CCDC178: variants seen among roughly 807,000 people sequenced by gnomAD.
CCDC178 encodes the protein coiled-coil domain containing 178.
Under a neutral mutation model 117.4 loss-of-function variants are expected in CCDC178, and 126 were observed. The observed-to-expected ratio is 1.07, with a 90% confidence interval of 0.93 to 1.24. The LOEUF (loss-of-function observed/expected upper bound fraction) is 1.24. Ranked by LOEUF, CCDC178 falls within the 50% of genes most tolerant of loss-of-function variation. The pLI is 0.00. For synonymous variants in CCDC178, 283 were observed against 313.4 expected (o/e 0.90, Z 1.02); for missense variants, 1,030 against 986.9 (o/e 1.04, Z -0.59).
rs1271531257 is a variant in CCDC178, at chr18:33,323,623, A to C, written c.890T>G (p.Leu297Arg). 5 of 1,520,696 alleles carry C rather than the reference A, an allele frequency of 3.3e-6. No homozygotes were observed. In the South Asian group the frequency reaches 5.4e-5, roughly 16 times the overall value. 94.2% of individuals were successfully genotyped at this position (1,520,696 alleles called of 1,614,324 possible). Residue 297 changes from leucine to arginine, a missense_variant, in exon 11 of 23, where the codon CTA becomes CGA. By Grantham distance (102) the Leu-to-Arg change is moderately radical (BLOSUM62 -2). Coordinates refer to ENST00000383096, the MANE Select transcript of CCDC178 (RefSeq NM_001105528.4). The part of the protein sequence containing the change: ...HYKKKMEVMD[L>R]HRKVNEELEE... ...AAGTTCTTCATTAACTTTTCTGTGT[A>C]GGTCCATTACCTAGAAATGAAAATA...
At chr18:33,094,169 C>T (rs991013586) in intron 20 of CCDC178, among the ~76,000 whole-genome samples, 12 of 152,098 alleles carry the variant, frequency 7.9e-5, no homozygotes, top group African/African-American at 2.6e-4. Context: ...TATGTCATAG[C>T]TATTCTTCAA....
chr18:33,196,786 G>C (rs1294252666), intron 20 of CCDC178, among the ~76,000 whole-genome samples: 1 of 152,146 alleles, frequency 6.6e-6, no homozygotes, highest in Non-Finnish European at 1.5e-5. Context: ...TCCCATCATA[G>C]AGGTAATAGT....
intron 5 of CCDC178, among the ~76,000 whole-genome samples, chr18:33,389,086 G>A (rs1056955865): frequency 1.3e-5 from 2 of 151,978 alleles, no homozygotes. Flanking sequence ...AACCACCATG[G>A]CATGTGTTTA....
intron 6 of CCDC178, among the ~76,000 whole-genome samples, chr18:33,364,433 GAGAA>G (rs2063172135): frequency 6.6e-6 from 1 of 152,020 alleles, no homozygotes; most frequent in Non-Finnish European, 1.5e-5. Context: ...AAGTGGAATG[GAGAA>G]AGAAAGACAA....
chr18:33,439,551 A>G (rs527709522), intron 2 of CCDC178, among the ~76,000 whole-genome samples: 2 of 152,368 alleles, frequency 1.3e-5, no homozygotes, highest in Middle Eastern at 6.8e-3. Context: ...ACGAATGTCT[A>G]AATAACAATT....
chr18:33,004,988 A>T (rs1298847728), intron 21 of CCDC178, among the ~76,000 whole-genome samples: 2 of 152,088 alleles, frequency 1.3e-5, no homozygotes, highest in African/African-American at 4.8e-5. Context: ...GGATATGGAG[A>T]AAAGGGACCC....
At chr18:33,093,486 G>T (rs1374661027) in intron 20 of CCDC178, among the ~76,000 whole-genome samples, 1 of 152,070 alleles carries the variant, frequency 6.6e-6, no homozygotes, top group East Asian at 1.9e-4. Context: ...TTTTAGTTAT[G>T]TTTAAATAAA....
chr18:32,940,930 T>C (rs1264617391), intron 22 of CCDC178, among the ~76,000 whole-genome samples: 2 of 152,134 alleles, frequency 1.3e-5, no homozygotes, highest in Admixed American at 1.3e-4. Flanking sequence ...TGAGGTGCTC[T>C]GGGGAGACAT....
At chr18:32,997,097 T>A (rs1378150355) in intron 21 of CCDC178, among the ~76,000 whole-genome samples, 2 of 152,172 alleles carry the variant, frequency 1.3e-5, no homozygotes, top group African/African-American at 4.8e-5. Flanking sequence ...ATTTAAGTTA[T>A]CATCCCTGGG....
intron 21 of CCDC178, among the ~76,000 whole-genome samples, chr18:33,060,489 G>C (rs2056904718): frequency 6.6e-6 from 1 of 151,858 alleles, no homozygotes; most frequent in South Asian, 2.1e-4. Flanking sequence ...GTAAATAAAT[G>C]ATTGATGTCC....
intron 3 of CCDC178, among the ~76,000 whole-genome samples, chr18:33,401,670 G>T (rs969637206): frequency 2.6e-5 from 4 of 151,836 alleles, no homozygotes; most frequent in African/African-American, 4.8e-5. Flanking sequence ...CATGCGTTTA[G>T]ATTTAATAAT....
intron 20 of CCDC178, among the ~76,000 whole-genome samples, chr18:33,107,622 T>C (rs2057725417): frequency 6.6e-6 from 1 of 151,734 alleles, no homozygotes; most frequent in Non-Finnish European, 1.5e-5. Flanking sequence ...AATACAATTT[T>C]ACATGCCTAA....
chr18:33,304,905 C>T (rs147144041), intron 11 of CCDC178, among the ~76,000 whole-genome samples: 94 of 152,268 alleles, frequency 6.2e-4, no homozygotes, highest in Middle Eastern at 3.4e-3. Flanking sequence ...CCAGAAAAGA[C>T]ATAAACATTC....
At chr18:33,051,574 G>A (rs1447569845) in intron 21 of CCDC178, among the ~76,000 whole-genome samples, 4 of 152,150 alleles carry the variant, frequency 2.6e-5, no homozygotes, top group Non-Finnish European at 4.4e-5. Context: ...TGGGATGGAC[G>A]CTGTGTTGTA....
chr18:33,367,049 C>T (rs1002451859), intron 6 of CCDC178, among the ~76,000 whole-genome samples: 1 of 151,920 alleles, frequency 6.6e-6, no homozygotes, highest in Non-Finnish European at 1.5e-5. Flanking sequence ...AGCGCACATT[C>T]ATATTTAGTA....
chr18:33,233,180 G>C (rs925689010), intron 15 of CCDC178, among the ~76,000 whole-genome samples: 1 of 151,968 alleles, frequency 6.6e-6, no homozygotes, highest in South Asian at 2.1e-4. Flanking sequence ...TTTGTTCTTG[G>C]TTACTTTCTT....
intron 15 of CCDC178, among the ~76,000 whole-genome samples, chr18:33,227,763 A>G (rs2059324872): frequency 6.6e-6 from 1 of 151,848 alleles, no homozygotes. Context: ...AAACCAGCAA[A>G]ATTATGTTTA....
At chr18:32,962,508 A>G (rs1452158053) in intron 22 of CCDC178, among the ~76,000 whole-genome samples, 2 of 152,064 alleles carry the variant, frequency 1.3e-5, no homozygotes, top group Non-Finnish European at 2.9e-5. Flanking sequence ...ATTTTGAAAG[A>G]TATTTTTTCT....
chr18:33,252,642 G>C (rs1024580306), intron 14 of CCDC178, among the ~76,000 whole-genome samples: 6 of 151,668 alleles, frequency 4.0e-5, no homozygotes, highest in Non-Finnish European at 7.4e-5. Context: ...ATTCATTCTA[G>C]GTATTCCAGG....
Sources: gnomAD v4.1 joint callset for allele counts (sites outside exome capture counted in the v4.1 genomes callset) on GRCh38, gnomAD v4.1.1 for gene constraint, MANE v1.5 for transcripts, NCBI Gene and HGNC (gene_info 2026-07-23, HGNC 2026-07-21) for gene names.